CSPG4: variants seen among roughly 807,000 people sequenced by gnomAD.
The protein encoded by CSPG4 is chondroitin sulfate proteoglycan 4 (melanoma-associated).
CSPG4 carries 74 observed loss-of-function variants against 139.3 expected under a neutral mutation model. The observed-to-expected ratio is 0.53, with a 90% CI of 0.44 to 0.64. The LOEUF is 0.64. Among genes scored for constraint, CSPG4 ranks in the 30% least tolerant of loss-of-function variants. The probability of loss-of-function intolerance (pLI) is 0.00; values close to 1 mark genes in which losing one functional copy is unlikely to be tolerated. For missense variants in CSPG4, 2,565 were observed against 3,148.3 expected (o/e 0.81, Z 4.43); for synonymous variants, 1,234 against 1,394.2 (o/e 0.89, Z 2.56).
intron 1 of CSPG4, among the ~76,000 whole-genome samples, chr15:75,708,639 G>C (rs1006961711): frequency 6.6e-6 from 1 of 152,246 alleles, no homozygotes; most frequent in Admixed American, 6.5e-5. Context: ...ACTCGCTGCT[G>C]TTGGGGTGAG....
chr15:75,703,292 C>T (rs1254246687), intron 1 of CSPG4, among the ~76,000 whole-genome samples: 2 of 146,588 alleles, frequency 1.4e-5, no homozygotes, highest in Admixed American at 6.8e-5. Flanking sequence ...ATGGAGAGAG[C>T]GGGATGGGGG....
Position 75,687,686 on chromosome 15 carries a change from G to A in CSPG4, c.3379C>T (p.Leu1127Phe), listed in dbSNP as rs776017795. The change falls in exon 3 of 10, where the codon CTC (leucine) becomes TTC (phenylalanine). Residue 1127 changes from leucine to phenylalanine, a missense_variant. Coordinates refer to ENST00000308508, the MANE Select transcript of CSPG4 (RefSeq NM_001897.5). The surrounding 1 kb of genome is among the most constrained non-coding windows in gnomAD (Gnocchi z 5.4). ...LLEVQASEPY[L>F]RVANGSSLVV... ...AGGCTGGAGCCGTTGGCCACACGGAGGTAGGGTTCCGAGGCCTGCACCTCC... is the reference window on the plus strand; with the variant it reads ...AGGCTGGAGCCGTTGGCCACACGGAAGTAGGGTTCCGAGGCCTGCACCTCC... 1.2e-5 allele frequency: 20 copies of A among 1,612,810 alleles called. No homozygotes were observed. Among genetic ancestry groups the A allele is most frequent in the East Asian group, 6.7e-5 (3 of 44,900 alleles).
intron 3 of CSPG4, among the ~76,000 whole-genome samples, chr15:75,686,494 C>A (rs1192968700): frequency 8.5e-6 from 1 of 117,626 alleles, no homozygotes; most frequent in East Asian, 2.0e-4. Context: ...CCACAAGAGG[C>A]CAAACCACCC....
chr15:75,710,572 A>T (rs1894435663), intron 1 of CSPG4, among the ~76,000 whole-genome samples: 1 of 152,124 alleles, frequency 6.6e-6, no homozygotes, highest in Admixed American at 6.5e-5. Context: ...TACAAGTGGA[A>T]GATTGGCCCA....
upstream of CSPG4, chr15:75,712,886 G>T (rs1293393470): frequency 4.3e-6 from 3 of 695,586 alleles, no homozygotes; most frequent in Non-Finnish European, 6.7e-6. Flanking sequence ...AACTCCGGGG[G>T]CGGGGCAGGC....
Position 75,677,699 on chromosome 15 carries a change from TCAC to T in CSPG4, c.5134+1_5134+3del. Reference sequence around the variant, plus strand: ...CAATCTTGCCAGCTTATCATGCTGTTCACCTTTGTTCTTCCAGAGGTGGCTGGG... The same window carrying T: ...CAATCTTGCCAGCTTATCATGCTGTTCTTTGTTCTTCCAGAGGTGGCTGGG... On this transcript the variant is annotated splice_donor_variant and splice_donor_region_variant and intron_variant, in intron 9 of 9. Coordinates refer to ENST00000308508, the MANE Select transcript of CSPG4 (RefSeq NM_001897.5). LOFTEE classifies it high-confidence loss of function. The T allele has an allele frequency of 6.3e-7, 1 of 1,595,242 alleles. No homozygotes were observed. The highest frequency in any genetic ancestry group is 8.5e-7 in the Non-Finnish European group (1 of 1,171,576).
intron 1 of CSPG4, among the ~76,000 whole-genome samples, chr15:75,694,439 G>A (rs1894201680): frequency 6.6e-6 from 1 of 152,216 alleles, no homozygotes; most frequent in South Asian, 2.1e-4. Context: ...GGTTAAAAAC[G>A]GTGATTCATT....
rs751733688 is a variant in CSPG4, at chr15:75,687,412, C to T, written c.3653G>A (p.Gly1218Glu). 8.1e-6 allele frequency: 13 copies of T among 1,612,954 alleles called. No homozygotes were observed. The highest frequency in any genetic ancestry group is 8.5e-6 in the Non-Finnish European group (10 of 1,179,994). ...RDTMAFSVEA[G>E]PVHTDATLQV... Reference sequence around the variant, plus strand: ...TAGGGTGGCATCCGTGTGCACTGGCCCTGCTTCCACGGAGAAGGCCATGGT... The same window carrying T: ...TAGGGTGGCATCCGTGTGCACTGGCTCTGCTTCCACGGAGAAGGCCATGGT... The change falls in exon 3 of 10, where the codon GGG (glycine) becomes GAG (glutamate). Residue 1218 changes from glycine to glutamate, a missense_variant. By Grantham distance (98) the Gly-to-Glu change is moderately conservative. Coordinates refer to ENST00000308508, the MANE Select transcript of CSPG4 (RefSeq NM_001897.5). This position sits in a 1 kb window ranked among gnomAD's most constrained non-coding sequence, Gnocchi z 5.4.
chr15:75,682,587 C>T lies in CSPG4; in HGVS notation c.4783+20G>A, dbSNP rs373172676. The stretch of plus-strand genomic sequence containing the variant: ...CCCCAGCTCCTGGCACCCAGGAATG[C>T]CCATGATCAGCACACCCACCTGGGC... On this transcript the variant is annotated intron_variant, in intron 7 of 9. Transcript: ENST00000308508. The T allele has an allele frequency of 1.9e-6, 3 of 1,611,726 alleles. No homozygotes were observed. In the South Asian group the frequency reaches 3.3e-5, roughly 18 times the overall value.
intron 1 of CSPG4, among the ~76,000 whole-genome samples, chr15:75,704,605 A>C (rs1030168315): frequency 8.5e-5 from 13 of 152,162 alleles, no homozygotes; most frequent in Non-Finnish European, 1.6e-4. Context: ...GGGGGCCTGC[A>C]CAATGGGATC....
chr15:75,708,632 C>T (rs556328797), intron 1 of CSPG4, among the ~76,000 whole-genome samples: 7 of 152,352 alleles, frequency 4.6e-5, no homozygotes, highest in African/African-American at 1.4e-4. Context: ...TGGGGAAACT[C>T]GCTGCTGTTG....
intron 8 of CSPG4, chr15:75,678,458 T>C (rs555080071): frequency 4.0e-4 from 144 of 356,872 alleles, no homozygotes; most frequent in African/African-American, 3.0e-3. Context: ...GCTCAAGCGA[T>C]CCTCCCACCT....
chr15:75,690,823 A>T lies in CSPG4; in HGVS notation c.253-11T>A. On this transcript the variant is annotated splice_polypyrimidine_tract_variant and intron_variant, in intron 2 of 9. Transcript: ENST00000308508. ...CAGAACAAGTCTGACCTGAAGAGAG[A>T]TGGGGAGTGGGAGATAGTGGACAGC... 1.3e-6 allele frequency: 2 copies of T among 1,596,506 alleles called. No homozygotes were observed. Among genetic ancestry groups the T allele is most frequent in the Non-Finnish European group, 1.7e-6 (2 of 1,168,888 alleles).
At chr15:75,686,472 C>T (rs1404903930) in intron 3 of CSPG4, among the ~76,000 whole-genome samples, 1 of 149,728 alleles carries the variant, frequency 6.7e-6, no homozygotes, top group Non-Finnish European at 1.5e-5. Context: ...GCTCCCTCAC[C>T]TGATGGGCCA....
chr15:75,702,447 CCTCT>C lies in CSPG4; in HGVS notation c.89-9218_89-9215del, dbSNP rs925924867. ...GGCCCAGGGGGCTGTGCTGTTGTCA[CCTCT>C]CTCCATTTACACTGTGAGCCTTGGG... On this transcript the variant is annotated intron_variant, in intron 1 of 9. Transcript: ENST00000308508. Among the ~76,000 whole-genome samples the C allele has an allele frequency of 1.3e-4, 20 of 152,270 alleles. 1 individual carries two copies. Among genetic ancestry groups the C allele is most frequent in the South Asian group, 6.2e-4 (3 of 4,838 alleles).
In CSPG4 at chr15:75,688,836, G is replaced by T; in HGVS notation, c.2229C>A (p.Tyr743Ter). ...QRDVEQGRVRYLSTDPQHHAY... is the reference protein window; with the variant it reads ...QRDVEQGRVR ...CGTGGTGCTGTGGGTCAGTGCTCAG[G>T]TACCTCACGCGGCCCTGCTCCACAT... Residue 743 changes from tyrosine (Y) to a stop codon, truncating the protein, a stop_gained, in exon 3 of 10, where the codon TAC becomes TAA. Transcript: ENST00000308508. LOFTEE classifies it high-confidence loss of function. 6.2e-7 allele frequency: 1 copy of T among 1,612,764 alleles called. No individual in the cohort carries two copies. The highest frequency in any genetic ancestry group is 8.5e-7 in the Non-Finnish European group (1 of 1,180,002).
rs948581290 is a variant in CSPG4 at position 75,674,846 on chromosome 15, C to T, written c.*704G>A. On this transcript the variant is annotated 3_prime_UTR_variant, in exon 10 of 10. Transcript: ENST00000308508. ...GAACTGGCTGCAGACCCTCCTCCAT[C>T]CCACACCCCCAGGGGCTCCATCAGT... 1.3e-5 allele frequency: 5 copies of T among 398,512 alleles called. No individual in the cohort carries two copies. The highest frequency in any genetic ancestry group is 2.2e-5 in the Non-Finnish European group (5 of 226,138). The allele number at this position is 398,512 out of a possible 1,614,324, so 24.7% of individuals were successfully genotyped here.
chr15:75,711,558 TCACCCC>T, intron 1 of CSPG4, among the ~76,000 whole-genome samples: 1 of 152,410 alleles, frequency 6.6e-6, no homozygotes, highest in African/African-American at 2.4e-5. Context: ...CAGCCCTGAT[TCACCCC>T]GCGGGGGTCC....
chr15:75,706,375 C>T (rs1374233942), intron 1 of CSPG4, among the ~76,000 whole-genome samples: 1 of 151,666 alleles, frequency 6.6e-6, no homozygotes, highest in East Asian at 2.0e-4. Context: ...CTGAGCAATA[C>T]TGCGTGTGTG....
Sources: gnomAD v4.1 joint callset for allele counts (sites outside exome capture counted in the v4.1 genomes callset) on GRCh38, gnomAD v4.1.1 for gene constraint, Gnocchi (gnomAD v3.1) non-coding constraint, MANE v1.5 for transcripts, NCBI Gene and HGNC (gene_info 2026-07-23, HGNC 2026-07-21) for gene names.